The following AQR variants were observed in gnomAD, a reference collection of about 807,000 sequenced individuals.
AQR encodes aquarius intron-binding spliceosomal factor.
In AQR, 61 loss-of-function variants were observed where a neutral mutation model predicts 180.5. The observed-to-expected ratio is 0.34, with a 90% confidence interval of 0.28 to 0.42. The LOEUF (loss-of-function observed/expected upper bound fraction) is 0.42, where lower values mean the gene tolerates loss of function less well. Among genes scored for constraint, AQR ranks in the 10% least tolerant of loss-of-function variants. AQR has a pLI of 1.00. For synonymous variants in AQR, 551 were observed against 588.8 expected (o/e 0.94, Z 0.93); for missense variants, 1,281 against 1,798.3 (o/e 0.71, Z 5.20).
chr15:34,926,541 TCA>T (rs1185315742), intron 13 of AQR, among the ~76,000 whole-genome samples: 44 of 152,360 alleles, frequency 2.9e-4, no homozygotes, highest in African/African-American at 1.0e-3. Context: ...ATGAATGTTT[TCA>T]GAGTTGTTTA....
chr15:34,889,183 T>C (rs780592597), intron 24 of AQR, among the ~76,000 whole-genome samples: 2 of 152,174 alleles, frequency 1.3e-5, no homozygotes, highest in Non-Finnish European at 2.9e-5. Flanking sequence ...GAAATACCTA[T>C]GGGATGAATT....
At chr15:34,862,796 G>GAATAGAAATA in intron 33 of AQR, 71 bp downstream of exon 33, 1 of 1,502,866 alleles carries the variant, frequency 6.7e-7, no homozygotes, top group East Asian at 2.3e-5. Context: ...AGCTAATGTG[G>GAATAGAAATA]TCACCTATAA....
chr15:34,946,430 T>TGG (rs375288148), intron 5 of AQR, among the ~76,000 whole-genome samples: 63,977 of 98,026 alleles, frequency 0.65, 22,306 homozygotes, highest in South Asian at 0.76. Context: ...GGGAGGGAGG[T>TGG]GGGGGGGGTC....
intron 13 of AQR, among the ~76,000 whole-genome samples, chr15:34,920,736 A>C (rs1323319473): frequency 6.6e-6 from 1 of 152,186 alleles, no homozygotes; most frequent in Admixed American, 6.6e-5. Flanking sequence ...AGGCAGGCAG[A>C]TCCCGGGGTC....
At chr15:34,921,894 T>A (rs1453016689) in intron 13 of AQR, among the ~76,000 whole-genome samples, 1 of 152,168 alleles carries the variant, frequency 6.6e-6, no homozygotes, top group Non-Finnish European at 1.5e-5. Context: ...CACTGTTACC[T>A]CCACCTCCCG....
At chr15:34,880,850 C>T (rs1441480683) in intron 27 of AQR, among the ~76,000 whole-genome samples, 3 of 152,054 alleles carry the variant, frequency 2.0e-5, no homozygotes, top group Non-Finnish European at 4.4e-5. Flanking sequence ...CTAAAAGAGT[C>T]GAAGGACTGG....
chr15:34,949,605 C>CAA (rs538711417), intron 4 of AQR, among the ~76,000 whole-genome samples: 756 of 49,614 alleles, frequency 0.015, 16 homozygotes, highest in African/African-American at 0.056. Context: ...GACTCCGTCA[C>CAA]AAAAAAAAAA....
At chr15:34,926,666 A>G (rs1180361100) in intron 13 of AQR, among the ~76,000 whole-genome samples, 5 of 152,244 alleles carry the variant, frequency 3.3e-5, no homozygotes, top group Non-Finnish European at 7.3e-5. Context: ...TACTAATTTT[A>G]TAAATTTTAA....
intron 14 of AQR, among the ~76,000 whole-genome samples, chr15:34,918,895 C>A (rs1038939210): frequency 1.3e-5 from 2 of 151,870 alleles, no homozygotes; most frequent in African/African-American, 4.8e-5. Context: ...TGTTCCTTTC[C>A]ATGATGACCT....
chr15:34,936,442 G>A (rs139913299), intron 9 of AQR, among the ~76,000 whole-genome samples: 4 of 152,244 alleles, frequency 2.6e-5, no homozygotes, highest in African/African-American at 7.2e-5. Context: ...CTGGCCAGGC[G>A]CAGTGGCTCA....
chr15:34,930,818 C>CTTTTTTTTTTT (rs77229498), intron 11 of AQR, among the ~76,000 whole-genome samples: 3 of 84,758 alleles, frequency 3.5e-5, no homozygotes, highest in Non-Finnish European at 6.6e-5. Flanking sequence ...TACGCCACTT[C>CTTTTTTTTTTT]TTTTTTTTTT....
At chr15:34,914,107 T>C (rs1893542217) in intron 16 of AQR, among the ~76,000 whole-genome samples, 1 of 152,204 alleles carries the variant, frequency 6.6e-6, no homozygotes, top group Non-Finnish European at 1.5e-5. Flanking sequence ...GTTCAGCTTT[T>C]CACATAAAAT....
chr15:34,956,824 G>T (rs1894327176), intron 3 of AQR, among the ~76,000 whole-genome samples: 2 of 152,106 alleles, frequency 1.3e-5, no homozygotes, highest in South Asian at 4.1e-4. Flanking sequence ...ATAAAATGAG[G>T]ACAATAATAG....
At position 34,952,918 on chromosome 15, in the gene AQR, A is replaced by T; in HGVS notation, c.176T>A (p.Phe59Tyr). Residue 59 changes from phenylalanine (F) to tyrosine (Y), a missense_variant and splice_region_variant, in exon 4 of 35, where the codon TTT becomes TAT. By Grantham distance (22) the Phe-to-Tyr change is conservative. Coordinates refer to ENST00000156471, the MANE Select transcript of AQR (RefSeq NM_014691.3). ...CAAGAGCATTATCTTTCTAATAGCA[A>T]ACCTGAAAACATAAAAATAAATAAA... The part of the protein sequence containing the change: ...IYEKEIVKSR[F>Y]AIRKIMLLEF... 7.0e-7 allele frequency: 1 copy of T among 1,433,212 alleles called. No individual in the cohort carries two copies. Among genetic ancestry groups the T allele is most frequent in the East Asian group, 2.3e-5 (1 of 42,806 alleles). The allele number at this position is 1,433,212 out of a possible 1,614,324, so 88.8% of individuals were successfully genotyped here. A position where few individuals can be genotyped will look rare whatever the true frequency, so the allele number is the denominator to read the frequency against.
At chr15:34,884,973 A>T (rs1893036579) in intron 25 of AQR, among the ~76,000 whole-genome samples, 2 of 152,238 alleles carry the variant, frequency 1.3e-5, no homozygotes, top group Non-Finnish European at 2.9e-5. Flanking sequence ...TACAAACTGG[A>T]AAGAGCCTTA....
Position 34,918,340 on chromosome 15 carries a change from C to G in AQR, c.1260G>C (p.Gln420His). ...TTGGATACAAAGGCATCTGGTTCAA[C>G]TGCTGAATCTGAGAAATTCGACGTT... ...RHERRISQIQQLNQMPLYPTE... is the reference protein window; with the variant it reads ...RHERRISQIQHLNQMPLYPTE... Residue 420 changes from glutamine to histidine, a missense_variant, in exon 15 of 35, where the codon CAG (glutamine) becomes CAC (histidine). Around this residue, in one of 9 missense-constraint regions of AQR, gnomAD observed 404 missense variants for 490.9 expected, o/e 0.82. Coordinates refer to ENST00000156471, the MANE Select transcript of AQR (RefSeq NM_014691.3). 3.1e-6 allele frequency: 5 copies of G among 1,613,796 alleles called. No individual in the cohort carries two copies. Among genetic ancestry groups the G allele is most frequent in the Non-Finnish European group, 4.2e-6 (5 of 1,179,894 alleles).
chr15:34,880,007 A>T (rs916013535), intron 27 of AQR, among the ~76,000 whole-genome samples: 33 of 152,290 alleles, frequency 2.2e-4, no homozygotes, highest in African/African-American at 7.7e-4. Flanking sequence ...TATCACTGAA[A>T]TTTCAGAACT....
At position 34,961,378 on chromosome 15, in the gene AQR, G is replaced by A. The variant is rs531520736; in HGVS notation, c.133-564C>T. On this transcript the variant is annotated intron_variant, in intron 2 of 34. Coordinates refer to ENST00000156471, the MANE Select transcript of AQR (RefSeq NM_014691.3). ...TGTAATCCGAGCACTTTGGGAGGCC[G>A]AAGAGGGTGGATCATGAGGTCAAGA... Among the ~76,000 whole-genome samples, 43 of 152,122 alleles carry A rather than the reference G, an allele frequency of 2.8e-4. 1 individual carries two copies. Among genetic ancestry groups the A allele is most frequent in the African/African-American group, 1.0e-3 (43 of 41,500 alleles).
intron 17 of AQR, 76 bp downstream of exon 17, chr15:34,910,059 A>T: frequency 6.7e-7 from 1 of 1,500,930 alleles, no homozygotes; most frequent in Non-Finnish European, 9.2e-7. Flanking sequence ...ATTTAGTAAA[A>T]GTACTTTGTT....
Sources: gnomAD v4.1 joint callset for allele counts (sites outside exome capture counted in the v4.1 genomes callset) on GRCh38, gnomAD v4.1.1 for gene constraint, gnomAD v4.1.1 regional missense constraint, MANE v1.5 for transcripts, NCBI Gene and HGNC (gene_info 2026-07-23, HGNC 2026-07-21) for gene names.